Variants in EVC observed in about 807,000 individuals in gnomAD.
EVC encodes EvC ciliary complex subunit 1.
A neutral mutation model predicts 118.9 loss-of-function variants in EVC; 116 were observed. The ratio of observed to expected loss-of-function variants is 0.98; its 90% CI spans 0.84 to 1.14. The LOEUF (loss-of-function observed/expected upper bound fraction) is 1.14, where lower values mean the gene tolerates loss of function less well. Among genes scored for constraint, EVC ranks in the 50% most tolerant of loss-of-function variants. EVC has a pLI of 0.00. For synonymous variants in EVC, 619 were observed against 534.7 expected, an observed-to-expected ratio of 1.16 and a Z score of -2.18; for missense variants, 1,401 against 1,246.4, an observed-to-expected ratio of 1.12 and a Z score of -1.87.
rs1379822893 is a variant in EVC at position 5,731,610 on chromosome 4, C to T, written c.570C>T (p.Arg190=). The change falls in exon 4 of 21, where the codon CGC becomes CGT. Residue 190 remains arginine (R), a synonymous_variant. Transcript: ENST00000264956. This position sits in a 1 kb window ranked among gnomAD's most constrained non-coding sequence, Gnocchi z 5.6. ...SATSDDRFLS[R]TFLRVNAFPE... is the part of the protein sequence containing the mutation. ...CCAGCGATGACAGGTTTCTCAGCCG[C>T]ACCTTCCTCCGGGTGAACGCCTTCC... is the stretch of plus-strand genomic sequence containing the variant. 1.2e-6 allele frequency: 2 copies of T among 1,614,180 alleles called. No homozygotes were observed. The highest frequency in any genetic ancestry group is 1.7e-6 in the Non-Finnish European group (2 of 1,180,040).
intron 1 of EVC, among the ~76,000 whole-genome samples, chr4:5,712,568 A>C (rs1306790013): frequency 6.6e-6 from 1 of 152,198 alleles, no homozygotes; most frequent in Non-Finnish European, 1.5e-5. Context: ...CGCGATCAGA[A>C]ACAAGATGGC....
At chr4:5,825,986 CAGT>C in the EVC span, 854 of 378,892 alleles carry the variant, frequency 2.3e-3, 3 homozygotes, top group Middle Eastern at 0.011. The surrounding 1 kb of genome is among the most constrained non-coding windows in gnomAD (Gnocchi z 4.4). Context: ...CAGGCCTACA[CAGT>C]AGCATACACG....
chr4:5,811,390 G>GT lies in EVC; in HGVS notation c.*353_*354insT, dbSNP rs1395814631. On this transcript the variant is annotated 3_prime_UTR_variant, in exon 21 of 21. Transcript: ENST00000264956. ...CAGACTCTGGAATCCCTGGCCCAAA[G>GT]GCCTGTCTGGGCCCATCTGGGGCTG... 2.1e-5 allele frequency: 7 copies of GT among 334,662 alleles called. No individual in the cohort carries two copies. Among genetic ancestry groups the GT allele is most frequent in the Non-Finnish European group, 4.0e-5 (7 of 175,586 alleles). 20.7% of individuals were successfully genotyped at this position (334,662 alleles called of 1,614,324 possible).
At chr4:5,779,194 A>G (rs1353807489) in intron 11 of EVC, among the ~76,000 whole-genome samples, 3 of 151,422 alleles carry the variant, frequency 2.0e-5, no homozygotes, top group Non-Finnish European at 4.4e-5. Flanking sequence ...TGTTCCATTG[A>G]TCTATATCTC....
chr4:5,783,890 G>A, intron 12 of EVC, 126 bp downstream of exon 12: 1 of 903,304 alleles, frequency 1.1e-6, no homozygotes, highest in Non-Finnish European at 1.7e-6. Context: ...GATGACTGTT[G>A]CCTCCCTTTC....
intron 11 of EVC, among the ~76,000 whole-genome samples, chr4:5,761,944 C>T (rs1156583939): frequency 4.6e-5 from 7 of 151,280 alleles, no homozygotes; most frequent in Non-Finnish European, 8.8e-5. Flanking sequence ...GGTACATGTG[C>T]ACAATGTGCA....
chr4:5,750,872 A>C (rs1730244851), intron 8 of EVC, among the ~76,000 whole-genome samples: 1 of 152,176 alleles, frequency 6.6e-6, no homozygotes, highest in South Asian at 2.1e-4. Context: ...CCGGGCACCA[A>C]AGGGAAAAAA....
chr4:5,740,300 G>T (rs370133053), intron 5 of EVC, among the ~76,000 whole-genome samples: 1 of 151,808 alleles, frequency 6.6e-6, no homozygotes, highest in South Asian at 2.1e-4. Flanking sequence ...GTGAAACCTC[G>T]TCTCTACTAA....
At chr4:5,793,518 C>G (rs1387578974) in intron 12 of EVC, 90 bp from the exon 13 acceptor site, 3 of 1,138,614 alleles carry the variant, frequency 2.6e-6, no homozygotes, top group African/African-American at 3.1e-5. Flanking sequence ...GAAACGCACA[C>G]AAACAAGAAA....
chr4:5,743,417 A>G lies in EVC; in HGVS notation c.801+1603A>G, dbSNP rs967256174. On this transcript the variant is annotated intron_variant, in intron 6 of 20. Transcript: ENST00000264956. This position sits in a 1 kb window ranked among gnomAD's most constrained non-coding sequence, Gnocchi z 4.7. Reference sequence around the variant, plus strand: ...CATTTTCATTATCATCATCATTGTTATTGTCATCATTTTCATTACTGCCAT... The same window carrying G: ...CATTTTCATTATCATCATCATTGTTGTTGTCATCATTTTCATTACTGCCAT... Among the ~76,000 whole-genome samples the G allele has an allele frequency of 6.6e-6, 1 of 152,032 alleles. No individual in the cohort carries two copies. Among genetic ancestry groups the G allele is most frequent in the African/African-American group, 2.4e-5 (1 of 41,396 alleles).
rs1006345634 is a variant in EVC, at chr4:5,737,849, T to C, written c.703-3867T>C. On this transcript the variant is annotated intron_variant, in intron 5 of 20. Transcript: ENST00000264956. This position sits in a 1 kb window ranked among gnomAD's most constrained non-coding sequence, Gnocchi z 5.0. ...ATGCCTGCTAACACAACATTCATTC[T>C]GAGCCTATTGATTAAAGAGTAATTT... 6.6e-5 allele frequency among the ~76,000 whole-genome samples: 10 copies of C among 152,260 alleles called. No individual in the cohort carries two copies. Among genetic ancestry groups the C allele is most frequent in the African/African-American group, 1.2e-4 (5 of 41,470 alleles).
rs759861751 is a variant in EVC at position 5,811,088 on chromosome 4, A to G, written c.*51A>G. On this transcript the variant is annotated 3_prime_UTR_variant, in exon 21 of 21. Transcript: ENST00000264956. The stretch of plus-strand genomic sequence containing the variant: ...CCTGAAGCCCTGGGTCTGGGTGTGA[A>G]TTCCACCTTCCCTCCTGCAGTGCTG... 1.4e-6 allele frequency: 2 copies of G among 1,470,040 alleles called. No homozygotes were observed. The highest frequency in any genetic ancestry group is 2.8e-5 in the African/African-American group (2 of 71,584). The allele number at this position is 1,470,040 out of a possible 1,614,324, so 91.1% of individuals were successfully genotyped here.
rs1407131262 is a variant in EVC, at chr4:5,737,402, T to C, written c.702+3967T>C. Among the ~76,000 whole-genome samples the C allele has an allele frequency of 6.6e-6, 1 of 152,222 alleles. No homozygotes were observed. Among genetic ancestry groups the C allele is most frequent in the Non-Finnish European group, 1.5e-5 (1 of 68,040 alleles). On this transcript the variant is annotated intron_variant, in intron 5 of 20. Transcript: ENST00000264956. The surrounding 1 kb of genome is among the most constrained non-coding windows in gnomAD (Gnocchi z 5.0). ...AGACCATTGAGCAAGGTGGCTGCAC[T>C]AAACAACAGATTTTCAATGCAGATG...
rs1730966782 is a variant in EVC, at chr4:5,755,149, A to G, written c.1465-1115A>G. Among the ~76,000 whole-genome samples the G allele has an allele frequency of 6.6e-6, 1 of 152,122 alleles. No homozygotes were observed. The highest frequency in any genetic ancestry group is 1.9e-4 in the East Asian group (1 of 5,164). On this transcript the variant is annotated intron_variant, in intron 10 of 20. Coordinates refer to ENST00000264956, the MANE Select transcript of EVC (RefSeq NM_153717.3). This position sits in a 1 kb window ranked among gnomAD's most constrained non-coding sequence, Gnocchi z 4.1. Reference sequence around the variant, plus strand: ...ACAAAGGGGTAGGGTAGGTTTTTCTATCTTTGAGACCCATTTGAAATAAGA... The same window carrying G: ...ACAAAGGGGTAGGGTAGGTTTTTCTGTCTTTGAGACCCATTTGAAATAAGA...
At position 5,812,255 on chromosome 4, in the gene EVC, C is replaced by T. The variant is rs12501119; in HGVS notation, c.*1218C>T. On this transcript the variant is annotated 3_prime_UTR_variant, in exon 21 of 21. Transcript: ENST00000264956. ...CCCACCGGGAGAGAAACTTCCAGAC[C>T]AGCCCCTCACACCACAGCCAGGAGA... The T allele has an allele frequency of 0.13, 20,913 of 158,686 alleles. 995 individuals carry two copies. The highest frequency in any genetic ancestry group is 0.25 in the East Asian group (1,184 of 4,690). The allele number at this position is 158,686 out of a possible 1,614,324, so 9.8% of individuals were successfully genotyped here.
Position 5,783,617 on chromosome 4 carries a change from C to A in EVC, c.1629C>A (p.Leu543=). The change falls in exon 12 of 21, where the codon CTC becomes CTA. Residue 543 remains leucine, a synonymous_variant. Coordinates refer to ENST00000264956, the MANE Select transcript of EVC (RefSeq NM_153717.3). ...TGGATGCCCTGTTCCTTCAGACGCT[C>A]CCTGGCATGACTGGCCTCCCCCCGG... The part of the protein sequence containing the change: ...KFVDALFLQT[L]PGMTGLPPEE... The A allele has an allele frequency of 6.2e-7, 1 of 1,614,164 alleles. No individual in the cohort carries two copies. Among genetic ancestry groups the A allele is most frequent in the South Asian group, 1.1e-5 (1 of 91,084 alleles).
chr4:5,798,488 C>A lies in EVC; in HGVS notation c.2098-98C>A. ...CCTTTCTCCATCCCTTTTCCAACCCCTGGGCCCTGGATAGGACCAGCCCCA... is the reference window on the plus strand; with the variant it reads ...CCTTTCTCCATCCCTTTTCCAACCCATGGGCCCTGGATAGGACCAGCCCCA... On this transcript the variant is annotated intron_variant, in intron 14 of 20. Coordinates refer to ENST00000264956, the MANE Select transcript of EVC (RefSeq NM_153717.3). This position sits in a 1 kb window ranked among gnomAD's most constrained non-coding sequence, Gnocchi z 4.1. 4 of 1,283,624 alleles carry A rather than the reference C, an allele frequency of 3.1e-6. No individual in the cohort carries two copies. Among genetic ancestry groups the A allele is most frequent in the Non-Finnish European group, 4.4e-6 (4 of 906,388 alleles). 79.5% of individuals were successfully genotyped at this position (1,283,624 alleles called of 1,614,324 possible).
chr4:5,731,539 G>A lies in EVC; in HGVS notation c.499G>A (p.Gly167Ser), dbSNP rs567701930. 1.5e-5 allele frequency: 24 copies of A among 1,613,972 alleles called. 1 individual carries two copies. The South Asian group carries it at 1.5e-4, about 10-fold the overall frequency. ...CAGCAGTCTGGGGAGCCTGAGCCAG[G>A]GTGAGAAGGACGACTGCAGCTCCTC... ...PSSSLGSLSQ[G>S]EKDDCSSSSS... is the part of the protein sequence containing the mutation. Residue 167 changes from glycine to serine, a missense_variant, in exon 4 of 21, where the codon GGT (glycine) becomes AGT (serine). Coordinates refer to ENST00000264956, the MANE Select transcript of EVC (RefSeq NM_153717.3). The surrounding 1 kb of genome is among the most constrained non-coding windows in gnomAD (Gnocchi z 5.6).
At chr4:5,808,424 T>C in intron 18 of EVC, 97 bp downstream of exon 18, 5 of 1,561,738 alleles carry the variant, frequency 3.2e-6, no homozygotes, top group Non-Finnish European at 4.4e-6. Flanking sequence ...CCATGGGGAC[T>C]GCACTTCCCT....
Sources: allele counts gnomAD v4.1 joint callset (sites outside exome capture counted in the v4.1 genomes callset), GRCh38; gene constraint gnomAD v4.1.1; non-coding constraint Gnocchi (gnomAD v3.1); transcripts MANE v1.5; gene names NCBI Gene and HGNC (gene_info 2026-07-23, HGNC 2026-07-21).